Variants in SLC22A16 observed in about 807,000 individuals in gnomAD.
The protein encoded by SLC22A16 is solute carrier family 22 member 16.
In SLC22A16, 53 loss-of-function variants were observed where a neutral mutation model predicts 52.9. The ratio of observed to expected loss-of-function variants is 1.00; its 90% CI spans 0.80 to 1.26. The LOEUF is 1.26. SLC22A16 is among the 50% of genes most tolerant of loss of function. The pLI, the probability that SLC22A16 is intolerant of heterozygous loss-of-function variation, is 0.00. For synonymous variants in SLC22A16, 291 were observed against 268.8 expected (o/e 1.08, Z -0.81); for missense variants, 726 against 704.0 (o/e 1.03, Z -0.35).
rs186333272 is a variant in SLC22A16, at chr6:110,438,059, T to C, written c.1311+661A>G. 5.4e-3 allele frequency among the ~76,000 whole-genome samples: 823 copies of C among 151,308 alleles called. 2 individuals are homozygous for C. The highest frequency in any genetic ancestry group is 0.021 in the Middle Eastern group (6 of 292). Reference sequence around the variant, plus strand: ...ATTACATGTCGCCTCCTCCGAGAGGTGCACCATCCTCGACCACCCTAGACA... The same window carrying C: ...ATTACATGTCGCCTCCTCCGAGAGGCGCACCATCCTCGACCACCCTAGACA... On this transcript the variant is annotated intron_variant, in intron 5 of 7. Transcript: ENST00000368919.
At chr6:110,455,231 A>C (rs1296235625) in intron 2 of SLC22A16, among the ~76,000 whole-genome samples, 1 of 151,624 alleles carries the variant, frequency 6.6e-6, no homozygotes, top group Non-Finnish European at 1.5e-5. Flanking sequence ...GTCATACAGC[A>C]AATGTATTTT....
rs1281682053 is a variant in SLC22A16 at position 110,442,350 on chromosome 6, T to C, written c.1077A>G (p.Thr359=). The C allele has an allele frequency of 1.2e-6, 2 of 1,614,188 alleles. No individual in the cohort carries two copies. The change falls in exon 4 of 8, where the codon ACA becomes ACG. Residue 359 remains threonine, a synonymous_variant. Coordinates refer to ENST00000368919, the MANE Select transcript of SLC22A16 (RefSeq NM_033125.4). The stretch of plus-strand genomic sequence containing the variant: ...TGAACCAGATTAGCCAAACGGTAAG[T>C]GTCCTTTTCGTAATGCTCCAGTTAT... ...LFYNWSITKR[T]LTVWLIWFTG... is the part of the protein sequence containing the mutation.
At chr6:110,429,276 T>A (rs9487404) in intron 7 of SLC22A16, among the ~76,000 whole-genome samples, 140 of 152,032 alleles carry the variant, frequency 9.2e-4, no homozygotes, top group Non-Finnish European at 5.9e-5. Context: ...TCAGAGTCAG[T>A]CTGAGAAAGT....
At chr6:110,473,749 G>T (rs5029494) in intron 1 of SLC22A16, among the ~76,000 whole-genome samples, 11,455 of 142,188 alleles carry the variant, frequency 0.081, 74 homozygotes, top group East Asian at 0.2. Flanking sequence ...ATGGTCTCGA[G>T]CTCCCGACCT....
chr6:110,432,226 G>A (rs1183224824), intron 6 of SLC22A16, among the ~76,000 whole-genome samples: 1 of 152,154 alleles, frequency 6.6e-6, no homozygotes, highest in Non-Finnish European at 1.5e-5. Context: ...GTAAAATTTT[G>A]CATGCAGTGT....
chr6:110,469,577 T>C (rs1776191758), intron 1 of SLC22A16, among the ~76,000 whole-genome samples: 1 of 152,176 alleles, frequency 6.6e-6, no homozygotes, highest in African/African-American at 2.4e-5. Context: ...CACCTTATAT[T>C]GGATCATACT....
intron 2 of SLC22A16, among the ~76,000 whole-genome samples, chr6:110,450,257 C>T (rs1775325254): frequency 6.6e-6 from 1 of 152,112 alleles, no homozygotes; most frequent in African/African-American, 2.4e-5. Flanking sequence ...ATATATAAGA[C>T]ATTTAGAATA....
chr6:110,465,269 T>C (rs748481929), intron 1 of SLC22A16, among the ~76,000 whole-genome samples: 1 of 151,834 alleles, frequency 6.6e-6, no homozygotes, highest in African/African-American at 2.4e-5. Context: ...AGCTCCTAAA[T>C]AGCACAGTAC....
chr6:110,444,795 CG>C (rs1464607876), intron 3 of SLC22A16, among the ~76,000 whole-genome samples: 2 of 152,150 alleles, frequency 1.3e-5, no homozygotes, highest in East Asian at 3.9e-4. Context: ...CTCAGATCAT[CG>C]GGACCCTACA....
intron 6 of SLC22A16, among the ~76,000 whole-genome samples, chr6:110,431,683 GC>G (rs946736043): frequency 1.8e-4 from 28 of 152,214 alleles, no homozygotes; most frequent in African/African-American, 6.5e-4. Context: ...TCAAAACGGT[GC>G]CCATCATTAA....
At position 110,442,610 on chromosome 6, in the gene SLC22A16, T is replaced by C; in HGVS notation, c.817A>G (p.Ile273Val). ...LVRTWWLYQMILSTVTVPFIL... is the reference protein window; with the variant it reads ...LVRTWWLYQMVLSTVTVPFIL... ...AAGGGGACAGTCACTGTGGAGAGGA[T>C]CATCTGGTAAAGCCACCAGGTCCTG... Residue 273 changes from isoleucine (I) to valine (V), a missense_variant, in exon 4 of 8, where the codon ATC (isoleucine) becomes GTC (valine). By Grantham distance (29) the Ile-to-Val change is conservative. Transcript: ENST00000368919. 2 of 1,614,148 alleles carry C rather than the reference T, an allele frequency of 1.2e-6. No individual in the cohort carries two copies. Among genetic ancestry groups the C allele is most frequent in the Non-Finnish European group, 1.7e-6 (2 of 1,180,034 alleles).
At chr6:110,429,910 G>A (rs1774427350) in intron 7 of SLC22A16, among the ~76,000 whole-genome samples, 1 of 152,132 alleles carries the variant, frequency 6.6e-6, no homozygotes, top group Admixed American at 6.5e-5. Flanking sequence ...GAGGAGGTGG[G>A]ATGAGGACAG....
chr6:110,464,943 A>C (rs1249720339), intron 1 of SLC22A16, among the ~76,000 whole-genome samples: 1 of 152,002 alleles, frequency 6.6e-6, no homozygotes, highest in Non-Finnish European at 1.5e-5. Context: ...AATCCATCAC[A>C]ATCAGATGAG....
chr6:110,442,184 A>G, intron 4 of SLC22A16, 60 bp downstream of exon 4: 1 of 1,511,444 alleles, frequency 6.6e-7, no homozygotes, highest in South Asian at 1.3e-5. Context: ...ACAGACACAC[A>G]CACACAAATG....
intron 7 of SLC22A16, among the ~76,000 whole-genome samples, chr6:110,430,912 G>A (rs1353812668): frequency 6.6e-6 from 1 of 152,202 alleles, no homozygotes; most frequent in Non-Finnish European, 1.5e-5. Flanking sequence ...TTCCAGGCAA[G>A]GGTGAGGACA....
intron 4 of SLC22A16, 73 bp downstream of exon 4, chr6:110,442,171 G>A: frequency 6.9e-7 from 1 of 1,438,904 alleles, no homozygotes; most frequent in Non-Finnish European, 9.4e-7. Context: ...AATTCACACA[G>A]AAACAGACAC....
chr6:110,459,211 T>G (rs1465828643), intron 1 of SLC22A16, among the ~76,000 whole-genome samples: 1 of 152,084 alleles, frequency 6.6e-6, no homozygotes, highest in African/African-American at 2.4e-5. Context: ...TCCTAAAGGG[T>G]GGGCTAGGCT....
intron 1 of SLC22A16, among the ~76,000 whole-genome samples, chr6:110,465,407 T>C (rs1370788042): frequency 6.6e-6 from 1 of 152,030 alleles, no homozygotes; most frequent in African/African-American, 2.4e-5. Flanking sequence ...TAAAGATTCC[T>C]CCAAAAGACT....
At chr6:110,473,556 G>T (rs558362492) in intron 1 of SLC22A16, among the ~76,000 whole-genome samples, 2 of 117,270 alleles carry the variant, frequency 1.7e-5, no homozygotes, top group South Asian at 2.7e-4. Flanking sequence ...ACGGAATCTC[G>T]TTCTGTCGCC....
Sources: allele counts gnomAD v4.1 joint callset (sites outside exome capture counted in the v4.1 genomes callset), GRCh38; gene constraint gnomAD v4.1.1; transcripts MANE v1.5; gene names NCBI Gene and HGNC (gene_info 2026-07-23, HGNC 2026-07-21).